Variants in COL26A1 observed in about 807,000 individuals in gnomAD.
COL26A1 encodes the protein collagen type XXVI alpha 1 chain.
COL26A1 carries 41 observed loss-of-function variants against 59.3 expected under a neutral mutation model. The observed-to-expected ratio is 0.69, with a 90% CI of 0.54 to 0.90. The LOEUF is 0.90. Ranked by LOEUF, COL26A1 falls within the 40% of genes least tolerant of loss-of-function variation. The pLI, the probability that COL26A1 is intolerant of heterozygous loss-of-function variation, is 0.00. For missense variants in COL26A1, 612 were observed against 602.3 expected (o/e 1.02, Z -0.17); for synonymous variants, 266 against 256.0 (o/e 1.04, Z -0.37).
At chr7:101,547,425 CCCCT>C in intron 8 of COL26A1, among the ~76,000 whole-genome samples, 186 bp downstream of exon 8, 1 of 152,340 alleles carries the variant, frequency 6.6e-6, no homozygotes, top group Non-Finnish European at 1.5e-5. Flanking sequence ...AGTGGCAGTG[CCCCT>C]GGGGGACTGG....
intron 1 of COL26A1, among the ~76,000 whole-genome samples, chr7:101,403,278 G>A (rs1435259538): frequency 6.6e-6 from 1 of 152,102 alleles, no homozygotes; most frequent in Non-Finnish European, 1.5e-5. Context: ...ATTAGGAGTG[G>A]GGGCCTTCTT....
intron 1 of COL26A1, among the ~76,000 whole-genome samples, chr7:101,396,222 C>G (rs1051246935): frequency 6.6e-6 from 1 of 151,928 alleles, no homozygotes; most frequent in Non-Finnish European, 1.5e-5. Context: ...GAGCCGAGAT[C>G]GCACCACTGC....
At chr7:101,390,913 C>T (rs1377197579) in intron 1 of COL26A1, among the ~76,000 whole-genome samples, 1 of 152,184 alleles carries the variant, frequency 6.6e-6, no homozygotes, top group Admixed American at 6.6e-5. Flanking sequence ...TCCCGGGGAC[C>T]TCAGAATTCT....
intron 1 of COL26A1, among the ~76,000 whole-genome samples, chr7:101,398,519 C>T (rs1022299047): frequency 6.6e-6 from 1 of 152,190 alleles, no homozygotes; most frequent in African/African-American, 2.4e-5. Flanking sequence ...CCCAAGTCAG[C>T]AGGTCACAGA....
chr7:101,365,820 GA>G (rs57334672), intron 1 of COL26A1, among the ~76,000 whole-genome samples: 84,507 of 149,286 alleles, frequency 0.57, 24,628 homozygotes, highest in African/African-American at 0.73. Context: ...GTGTGGGAAG[GA>G]AAAAAAAAAA....
At chr7:101,405,242 T>A (rs919988692) in intron 1 of COL26A1, among the ~76,000 whole-genome samples, 3 of 150,140 alleles carry the variant, frequency 2.0e-5, no homozygotes, top group African/African-American at 7.5e-5. Context: ...AAAAAAAAAA[T>A]TATACTTTAT....
intron 1 of COL26A1, among the ~76,000 whole-genome samples, chr7:101,390,528 C>A (rs1300697553): frequency 6.6e-6 from 1 of 152,130 alleles, no homozygotes; most frequent in African/African-American, 2.4e-5. Flanking sequence ...TGGGCTCAAG[C>A]CATCCACCCA....
At chr7:101,493,341 G>A (rs997109737) in intron 3 of COL26A1, among the ~76,000 whole-genome samples, 1 of 150,046 alleles carries the variant, frequency 6.7e-6, no homozygotes, top group Admixed American at 6.8e-5. Context: ...GTGTTTGCCT[G>A]GCAGGCTCTA....
At chr7:101,490,553 T>C (rs1794435432) in intron 3 of COL26A1, among the ~76,000 whole-genome samples, 1 of 150,896 alleles carries the variant, frequency 6.6e-6, no homozygotes, top group Admixed American at 6.6e-5. Context: ...CTACAAAAAT[T>C]AGCTGGGTAT....
chr7:101,372,986 G>GCAGA (rs1554402173), intron 1 of COL26A1, among the ~76,000 whole-genome samples: 1 of 152,160 alleles, frequency 6.6e-6, no homozygotes, highest in African/African-American at 2.4e-5. Context: ...CAGAGCAAGA[G>GCAGA]CAGACCATGG....
chr7:101,512,410 G>A (rs1429893333), intron 3 of COL26A1, among the ~76,000 whole-genome samples: 2 of 152,168 alleles, frequency 1.3e-5, no homozygotes, highest in East Asian at 3.9e-4. Flanking sequence ...CTTGAGACCA[G>A]GGGTTCGAGA....
intron 1 of COL26A1, among the ~76,000 whole-genome samples, chr7:101,371,264 C>A (rs530571202): frequency 6.6e-6 from 1 of 152,322 alleles, no homozygotes; most frequent in South Asian, 2.1e-4. Flanking sequence ...AGTGGATGAT[C>A]ACATCCATGG....
chr7:101,420,888 A>C (rs995923648), intron 2 of COL26A1, among the ~76,000 whole-genome samples: 2 of 150,492 alleles, frequency 1.3e-5, no homozygotes, highest in African/African-American at 2.5e-5. Flanking sequence ...CAAAGTTCCA[A>C]CTCTCCTTCT....
At chr7:101,457,878 T>C (rs554942860) in intron 3 of COL26A1, among the ~76,000 whole-genome samples, 1 of 150,902 alleles carries the variant, frequency 6.6e-6, no homozygotes, top group East Asian at 1.9e-4. Flanking sequence ...TTTTGCTAGG[T>C]TGTGGTATAG....
chr7:101,487,537 C>T (rs550701932), intron 3 of COL26A1, among the ~76,000 whole-genome samples: 1 of 152,268 alleles, frequency 6.6e-6, no homozygotes, highest in South Asian at 2.1e-4. Flanking sequence ...CTAGGGCACA[C>T]TCGAGGGGCC....
At chr7:101,476,843 A>T (rs1318507737) in intron 3 of COL26A1, among the ~76,000 whole-genome samples, 1 of 129,538 alleles carries the variant, frequency 7.7e-6, no homozygotes, top group Admixed American at 8.2e-5. Flanking sequence ...CACCATGCCC[A>T]GCCATTTTTT....
intron 3 of COL26A1, among the ~76,000 whole-genome samples, chr7:101,520,658 ACACACC>A (rs758081721): frequency 4.2e-4 from 59 of 139,272 alleles, no homozygotes; most frequent in Middle Eastern, 4.1e-3. Context: ...ACACACACAC[ACACACC>A]CCCGTGTTCT....
chr7:101,385,229 C>CTATATAT (rs1339437296), intron 1 of COL26A1, among the ~76,000 whole-genome samples: 5 of 25,518 alleles, frequency 2.0e-4, no homozygotes, highest in African/African-American at 4.0e-4. Context: ...CACACACACA[C>CTATATAT]ACTATATATA....
intron 3 of COL26A1, among the ~76,000 whole-genome samples, chr7:101,511,260 G>A (rs1794919745): frequency 1.3e-5 from 2 of 152,202 alleles, no homozygotes; most frequent in African/African-American, 2.4e-5. Flanking sequence ...AGGTGGTGGC[G>A]CACGGGCAGA....
Sources: allele counts gnomAD v4.1 joint callset (sites outside exome capture counted in the v4.1 genomes callset), GRCh38; gene constraint gnomAD v4.1.1; transcripts MANE v1.5; gene names NCBI Gene and HGNC (gene_info 2026-07-23, HGNC 2026-07-21).